The following SPECC1 variants were observed in gnomAD, a reference collection of about 807,000 sequenced individuals.
SPECC1 encodes cytospin-B.
Under a neutral mutation model 104.1 loss-of-function variants are expected in SPECC1, and 62 were observed. That is an observed-to-expected ratio of 0.60 (90% CI 0.49 to 0.74). SPECC1 has a LOEUF of 0.74. Ranked by LOEUF, SPECC1 falls within the 30% of genes least tolerant of loss-of-function variation. SPECC1 has a pLI of 0.00. For missense variants in SPECC1, 1,306 were observed against 1,310.5 expected, an observed-to-expected ratio of 1.00 and a Z score of 0.05; for synonymous variants, 513 against 501.6, an observed-to-expected ratio of 1.02 and a Z score of -0.30.
At chr17:20,151,922 G>A (rs1240922818) in intron 3 of SPECC1, among the ~76,000 whole-genome samples, 3 of 151,840 alleles carry the variant, frequency 2.0e-5, no homozygotes, top group Admixed American at 6.6e-5. Context: ...GGTGGCAGGC[G>A]CCTGTAATCC....
intron 3 of SPECC1, among the ~76,000 whole-genome samples, chr17:20,130,377 A>G: frequency 6.6e-6 from 1 of 152,170 alleles, no homozygotes; most frequent in East Asian, 1.9e-4. Context: ...TCTACAAGAA[A>G]TAAAAAAATT....
chr17:20,112,696 G>A (rs1023554677), intron 3 of SPECC1: 1 of 1,114,758 alleles, frequency 9.0e-7, no homozygotes, highest in African/African-American at 1.5e-5. Context: ...CCCTGAAACT[G>A]TGTAATTTTG....
chr17:20,058,595 G>A (rs1224199051), intron 1 of SPECC1, among the ~76,000 whole-genome samples: 1 of 152,090 alleles, frequency 6.6e-6, no homozygotes, highest in Non-Finnish European at 1.5e-5. Context: ...GGTGATTGAG[G>A]CTACAGTGAG....
chr17:20,298,978 G>GTGTGT (rs747414391), intron 13 of SPECC1, among the ~76,000 whole-genome samples: 2,895 of 29,072 alleles, frequency 0.1, 117 homozygotes, highest in Middle Eastern at 0.14. Flanking sequence ...TGTGTATGTA[G>GTGTGT]AGAGAGAGAG....
rs182169584 is a variant in SPECC1 at position 20,253,582 on chromosome 17, C to T, written c.2676C>T (p.Leu892=). The T allele has an allele frequency of 5.0e-6, 8 of 1,613,976 alleles. No individual in the cohort carries two copies. In the East Asian group the frequency reaches 1.8e-4, roughly 36 times the overall value. Residue 892 remains leucine (L), a synonymous_variant, in exon 10 of 15, where the codon CTC becomes CTT. Coordinates refer to ENST00000395527, the MANE Select transcript of SPECC1 (RefSeq NM_001243439.2). ...TQRLDLPDLP[L]SDILKGRTET... ...GCTTGGACCTTCCTGACCTTCCCCT[C>T]TCAGGTAAATTATGTCAACATAAAG...
At chr17:20,231,867 C>T (rs1475651230) in intron 6 of SPECC1, 36 bp downstream of exon 6, 1 of 1,595,732 alleles carries the variant, frequency 6.3e-7, no homozygotes, top group African/African-American at 1.3e-5. Context: ...CACCATCTTC[C>T]TATGAATTAC....
At chr17:20,291,959 A>AGAACACTTCCAGGCAGGGC (rs1478207294) in intron 12 of SPECC1, among the ~76,000 whole-genome samples, 1 of 150,616 alleles carries the variant, frequency 6.6e-6, no homozygotes, top group Non-Finnish European at 1.5e-5. Context: ...CTCTTGGGAA[A>AGAACACTTCCAGGCAGGGC]GAACACTTCC....
intron 4 of SPECC1, among the ~76,000 whole-genome samples, chr17:20,211,565 A>C (rs2037150916): frequency 6.6e-6 from 1 of 152,266 alleles, no homozygotes; most frequent in African/African-American, 2.4e-5. Context: ...CTACAAAGCC[A>C]GAATGCCTGT....
Position 20,231,786 on chromosome 17 carries a change from G to T in SPECC1, c.2100G>T (p.Lys700Asn). Residue 700 changes from lysine to asparagine, a missense_variant, in exon 6 of 15, where the codon AAG (lysine) becomes AAT (asparagine). Lys to Asn is a moderately conservative substitution (Grantham distance 94, BLOSUM62 0). Transcript: ENST00000395527. ...GTGTGATCAAGCTGGAGGAACAGAAGTCAGACCTGGAGAGGCAGCTGAAGA... is the reference window on the plus strand; with the variant it reads ...GTGTGATCAAGCTGGAGGAACAGAATTCAGACCTGGAGAGGCAGCTGAAGA... ...ESSVIKLEEQ[K>N]SDLERQLKTL... 4.3e-6 allele frequency: 7 copies of T among 1,614,108 alleles called. No individual in the cohort carries two copies. The highest frequency in any genetic ancestry group is 5.9e-6 in the Non-Finnish European group (7 of 1,180,012).
At chr17:20,061,133 G>A (rs1339717151) in intron 1 of SPECC1, among the ~76,000 whole-genome samples, 23 of 152,142 alleles carry the variant, frequency 1.5e-4, no homozygotes, top group East Asian at 1.9e-4. Context: ...GAGCAGTGGC[G>A]CGATCTCGGC....
intron 1 of SPECC1, among the ~76,000 whole-genome samples, chr17:20,078,257 A>T (rs1567827642): frequency 6.6e-6 from 1 of 151,630 alleles, no homozygotes; most frequent in Non-Finnish European, 1.5e-5. Context: ...ACATTGAAAG[A>T]CAAGCGTGTG....
chr17:20,079,002 G>C (rs1008505750), intron 1 of SPECC1, among the ~76,000 whole-genome samples: 2 of 152,348 alleles, frequency 1.3e-5, no homozygotes, highest in East Asian at 1.9e-4. Flanking sequence ...CAGGATGCTA[G>C]CTGTAGAAGC....
intron 13 of SPECC1, among the ~76,000 whole-genome samples, chr17:20,304,824 A>C (rs1466864297): frequency 6.6e-6 from 1 of 152,050 alleles, no homozygotes; most frequent in African/African-American, 2.4e-5. Flanking sequence ...CCAGGGTCCA[A>C]CTATGAGGCA....
intron 4 of SPECC1, among the ~76,000 whole-genome samples, chr17:20,222,483 A>T (rs1404800237): frequency 6.6e-6 from 1 of 152,188 alleles, no homozygotes; most frequent in Non-Finnish European, 1.5e-5. Context: ...TTTGTTTTAT[A>T]GTGCAGATTA....
In SPECC1 at chr17:20,205,364, G is replaced by C. The variant is rs761248529; in HGVS notation, c.1315G>C (p.Glu439Gln). 2 of 1,613,714 alleles carry C rather than the reference G, an allele frequency of 1.2e-6. No individual in the cohort carries two copies. The highest frequency in any genetic ancestry group is 8.5e-7 in the Non-Finnish European group (1 of 1,179,938). ...HRERAEQLSQ[E>Q]NEKLMNLLQE... ...AGAGAGGGCAGAGCAGCTAAGTCAA[G>C]AAAATGAGAAGCTGATGAATCTTTT... Residue 439 changes from glutamate (E) to glutamine (Q), a missense_variant, in exon 4 of 15, where the codon GAA becomes CAA. Coordinates refer to ENST00000395527, the MANE Select transcript of SPECC1 (RefSeq NM_001243439.2).
intron 1 of SPECC1, among the ~76,000 whole-genome samples, chr17:20,021,988 C>T (rs908563953): frequency 6.6e-6 from 1 of 151,716 alleles, no homozygotes; most frequent in African/African-American, 2.4e-5. Context: ...GTCGCCCAGG[C>T]TGGAGTGCAG....
chr17:20,233,093 C>T (rs1340997873), intron 7 of SPECC1, among the ~76,000 whole-genome samples: 3 of 152,144 alleles, frequency 2.0e-5, no homozygotes, highest in Non-Finnish European at 2.9e-5. Context: ...GGTTTACAGA[C>T]AAATTTATAA....
intron 9 of SPECC1, among the ~76,000 whole-genome samples, chr17:20,251,088 G>A (rs964432767): frequency 2.0e-5 from 3 of 151,724 alleles, no homozygotes; most frequent in Non-Finnish European, 2.9e-5. Context: ...TTAGCTGGGC[G>A]TGGTGGTGCA....
Position 20,194,501 on chromosome 17 carries a change from A to ATTTTTTTTTTTTTTTTTTT in SPECC1, c.284-9832_284-9831insTTTTTTTTTTTTTTTTTTT, listed in dbSNP as rs1567923485. Among the ~76,000 whole-genome samples the ATTTTTTTTTTTTTTTTTTT allele has an allele frequency of 4.4e-5, 3 of 68,138 alleles. No individual in the cohort carries two copies. The East Asian group carries it at 3.7e-3, about 85-fold the overall frequency. The allele number at this position is 68,138 out of a possible 152,430, so 44.7% of individuals were successfully genotyped here. A position where few individuals can be genotyped will look rare whatever the true frequency, so the allele number is the denominator to read the frequency against. On this transcript the variant is annotated intron_variant, in intron 3 of 14. Transcript: ENST00000395527. ...TTGTGTTCTGTTAGAAAAGAGAACG[A>ATTTTTTTTTTTTTTTTTTT]ATTTTTTTTTTTTTTTTTTTTTTTG... is the stretch of plus-strand genomic sequence containing the variant.
Sources: allele counts gnomAD v4.1 joint callset (sites outside exome capture counted in the v4.1 genomes callset), GRCh38; gene constraint gnomAD v4.1.1; transcripts MANE v1.5; gene names NCBI Gene and HGNC (gene_info 2026-07-23, HGNC 2026-07-21).